UBE3D: variants seen among roughly 807,000 people sequenced by gnomAD.
UBE3D encodes the protein ubiquitin protein ligase E3D.
In UBE3D, 48 loss-of-function variants were observed where a neutral mutation model predicts 49.6. The ratio of observed to expected loss-of-function variants is 0.97; its 90% CI spans 0.77 to 1.23. UBE3D has a LOEUF of 1.23. Among genes scored for constraint, UBE3D ranks in the 50% most tolerant of loss-of-function variants. The pLI is 0.00. For synonymous variants in UBE3D, 189 were observed against 174.2 expected (o/e 1.08, Z -0.67); for missense variants, 452 against 468.4 (o/e 0.96, Z 0.32).
intron 6 of UBE3D, 83 bp downstream of exon 6, chr6:83,023,886 T>C: frequency 1.1e-6 from 1 of 931,618 alleles, no homozygotes. Context: ...AAAAATAAAT[T>C]CAAAACCAAA....
chr6:82,925,561 G>A (rs1773686904), intron 9 of UBE3D, among the ~76,000 whole-genome samples: 1 of 152,152 alleles, frequency 6.6e-6, no homozygotes, highest in South Asian at 2.1e-4. Flanking sequence ...TGGAAGGGAA[G>A]TATCTGTCTT....
At chr6:82,983,943 T>G (rs1450629296) in intron 8 of UBE3D, among the ~76,000 whole-genome samples, 1 of 152,110 alleles carries the variant, frequency 6.6e-6, no homozygotes, top group East Asian at 1.9e-4. Flanking sequence ...TCCATTTCCT[T>G]TGGATTTTTA....
chr6:83,006,715 A>G (rs1383465578), intron 8 of UBE3D, among the ~76,000 whole-genome samples: 1 of 152,194 alleles, frequency 6.6e-6, no homozygotes, highest in Non-Finnish European at 1.5e-5. Flanking sequence ...AATATAGTCA[A>G]ATTCATAGAA....
chr6:82,956,055 T>C (rs1027424010), intron 9 of UBE3D, among the ~76,000 whole-genome samples: 1 of 152,114 alleles, frequency 6.6e-6, no homozygotes, highest in Non-Finnish European at 1.5e-5. Flanking sequence ...AGGAGAGGAA[T>C]GTAAATAAGA....
chr6:82,882,948 T>A, the UBE3D span, among the ~76,000 whole-genome samples: 15 of 152,262 alleles, frequency 9.9e-5, no homozygotes, highest in South Asian at 3.1e-3. Flanking sequence ...AGACAATAAA[T>A]TTCTGTGTCT....
chr6:82,969,907 C>T (rs1014398092), intron 8 of UBE3D, among the ~76,000 whole-genome samples: 1 of 151,262 alleles, frequency 6.6e-6, no homozygotes, highest in African/African-American at 2.4e-5. Flanking sequence ...TTTCCAGATA[C>T]CAAAACATAT....
intron 9 of UBE3D, among the ~76,000 whole-genome samples, chr6:82,896,320 A>C (rs1389211070): frequency 6.6e-6 from 1 of 152,220 alleles, no homozygotes; most frequent in African/African-American, 2.4e-5. Context: ...AAAAGTTTTA[A>C]AGCTTCTCAG....
intron 5 of UBE3D, 141 bp from the exon 6 acceptor site, chr6:83,024,179 A>T: frequency 2.1e-6 from 1 of 479,002 alleles, no homozygotes; most frequent in South Asian, 4.3e-5. Flanking sequence ...TTTTCCCAAA[A>T]CTACTTAGTT....
chr6:82,923,816 T>C (rs1398970507), intron 9 of UBE3D, among the ~76,000 whole-genome samples: 1 of 152,218 alleles, frequency 6.6e-6, no homozygotes, highest in Admixed American at 6.5e-5. Flanking sequence ...ATGACCTTCA[T>C]ATCATGACCA....
intron 7 of UBE3D, 65 bp from the exon 8 acceptor site, chr6:83,019,201 T>C (rs1195634696): frequency 6.4e-6 from 9 of 1,414,542 alleles, no homozygotes; most frequent in Middle Eastern, 1.9e-4. Context: ...CTTATGACTT[T>C]TCAAAAACAA....
chr6:83,007,855 G>A (rs568682904), intron 8 of UBE3D, among the ~76,000 whole-genome samples: 6 of 152,258 alleles, frequency 3.9e-5, no homozygotes, highest in Admixed American at 2.6e-4. Flanking sequence ...TGAGGTGGGA[G>A]GATCACTTGA....
At chr6:82,900,847 T>C (rs1582281712) in intron 9 of UBE3D, among the ~76,000 whole-genome samples, 1 of 152,274 alleles carries the variant, frequency 6.6e-6, no homozygotes, top group East Asian at 1.9e-4. Context: ...TTGAAAACCA[T>C]CCTGGACAAT....
chr6:82,911,005 C>T (rs1772463495), intron 9 of UBE3D, among the ~76,000 whole-genome samples: 1 of 151,974 alleles, frequency 6.6e-6, no homozygotes, highest in South Asian at 2.1e-4. Context: ...AGTGATGATG[C>T]ATTCTTAGAA....
At chr6:82,989,449 C>A (rs1471761898) in intron 8 of UBE3D, among the ~76,000 whole-genome samples, 2 of 152,076 alleles carry the variant, frequency 1.3e-5, no homozygotes, top group South Asian at 4.2e-4. Context: ...GAGTGCCAAA[C>A]TCATCTCAAT....
intron 8 of UBE3D, among the ~76,000 whole-genome samples, chr6:83,001,631 C>T (rs549814210): frequency 2.1e-4 from 31 of 150,096 alleles, no homozygotes; most frequent in Non-Finnish European, 3.4e-4. Flanking sequence ...AACAGGAAAG[C>T]GGAAGGACTA....
At chr6:82,978,443 T>C (rs550212094) in intron 8 of UBE3D, among the ~76,000 whole-genome samples, 1 of 152,284 alleles carries the variant, frequency 6.6e-6, no homozygotes, top group African/African-American at 2.4e-5. Flanking sequence ...TCAGTTTTGC[T>C]TTACAGGGCT....
chr6:82,916,477 A>G (rs1285887865), intron 9 of UBE3D, among the ~76,000 whole-genome samples: 2 of 152,234 alleles, frequency 1.3e-5, no homozygotes, highest in Non-Finnish European at 2.9e-5. Flanking sequence ...AGAGGTTCAC[A>G]CTGAAGGCTG....
chr6:82,939,080 C>T (rs1473990924), intron 9 of UBE3D, among the ~76,000 whole-genome samples: 2 of 151,494 alleles, frequency 1.3e-5, no homozygotes, highest in Admixed American at 6.6e-5. Context: ...AAAAAAAGAA[C>T]GAGTACCATT....
At chr6:83,018,908 T>C (rs59429188) in intron 8 of UBE3D, 65 bp downstream of exon 8, 36,097 of 1,580,556 alleles carry the variant, frequency 0.023, 598 homozygotes, top group African/African-American at 0.077. Flanking sequence ...ATTAATTTCT[T>C]AACACCAACA....
Sources: allele counts gnomAD v4.1 joint callset (sites outside exome capture counted in the v4.1 genomes callset), GRCh38; gene constraint gnomAD v4.1.1; transcripts MANE v1.5; gene names NCBI Gene and HGNC (gene_info 2026-07-23, HGNC 2026-07-21).